Variants in LRP12 observed in about 807,000 individuals in gnomAD.
LRP12 encodes LDL receptor related protein 12.
Under a neutral mutation model 66.0 loss-of-function variants are expected in LRP12, and 14 were observed. That is an observed-to-expected ratio of 0.21 (90% confidence interval 0.14 to 0.33). The LOEUF (loss-of-function observed/expected upper bound fraction) is 0.33. LRP12 is among the 10% of genes least tolerant of loss of function. The pLI, the probability that LRP12 is intolerant of heterozygous loss-of-function variation, is 1.00. For synonymous variants in LRP12, 357 were observed against 359.1 expected (o/e 0.99, Z 0.07); for missense variants, 889 against 1,053.4 (o/e 0.84, Z 2.16).
intron 1 of LRP12, among the ~76,000 whole-genome samples, chr8:104,567,673 C>A (rs1263606684): frequency 6.6e-6 from 1 of 152,092 alleles, no homozygotes; most frequent in African/African-American, 2.4e-5. Context: ...TTCATATGCA[C>A]CAACAATGAT....
intron 3 of LRP12, chr8:104,504,569 G>C (rs1810876720): frequency 6.6e-6 from 1 of 151,942 alleles, no homozygotes; most frequent in African/African-American, 2.4e-5. Flanking sequence ...AGTTATTTAG[G>C]AATATATTTC....
chr8:104,564,701 C>T (rs34971735), intron 1 of LRP12, among the ~76,000 whole-genome samples: 11,203 of 151,890 alleles, frequency 0.074, 462 homozygotes, highest in African/African-American at 0.083. Context: ...GAGGCCGAGG[C>T]GGGCAGATCA....
chr8:104,494,690 C>T (rs1403439606), intron 6 of LRP12, among the ~76,000 whole-genome samples: 1 of 152,082 alleles, frequency 6.6e-6, no homozygotes, highest in Non-Finnish European at 1.5e-5. Flanking sequence ...ATGTTAACTT[C>T]ATTTTAATTA....
Position 104,497,263 on chromosome 8 carries a change from G to T in LRP12, c.1289C>A (p.Ser430Tyr). The T allele has an allele frequency of 6.2e-7, 1 of 1,614,142 alleles. No individual in the cohort carries two copies. The highest frequency in any genetic ancestry group is 8.5e-7 in the Non-Finnish European group (1 of 1,180,036). The change falls in exon 5 of 7, where the codon TCT (serine) becomes TAT (tyrosine). Residue 430 changes from serine to tyrosine, a missense_variant. Transcript: ENST00000276654. This position sits in a 1 kb window ranked among gnomAD's most constrained non-coding sequence, Gnocchi z 4.3. ...CSRNGVCYPR[S>Y]DRCNYQNHCP... Reference sequence around the variant, plus strand: ...ATGATTCTGGTAGTTGCAGCGATCAGAACGAGGATAACAGACACCATTTCG... The same window carrying T: ...ATGATTCTGGTAGTTGCAGCGATCATAACGAGGATAACAGACACCATTTCG...
In LRP12 at chr8:104,546,596, C is replaced by A. The variant is rs12680652; in HGVS notation, c.80-14633G>T. Among the ~76,000 whole-genome samples the A allele has an allele frequency of 4.9e-3, 746 of 152,132 alleles. 8 individuals carry two copies. Among genetic ancestry groups the A allele is most frequent in the African/African-American group, 0.017 (707 of 41,522 alleles). ...CATACAATTAACTTAGACAATTCTA[C>A]AGCTAGTAAGTGGCAGAGACAGACT... On this transcript the variant is annotated intron_variant, in intron 1 of 6. Transcript: ENST00000276654.
intron 1 of LRP12, among the ~76,000 whole-genome samples, chr8:104,547,107 T>C (rs894776658): frequency 9.0e-5 from 13 of 144,626 alleles, no homozygotes; most frequent in African/African-American, 3.3e-4. Flanking sequence ...GTATATAATA[T>C]ATAATTCTGT....
At chr8:104,540,880 C>T (rs571968905) in intron 1 of LRP12, among the ~76,000 whole-genome samples, 2 of 152,126 alleles carry the variant, frequency 1.3e-5, no homozygotes, top group African/African-American at 2.4e-5. Flanking sequence ...ATTACAGGCA[C>T]GTGCCATCAC....
intron 1 of LRP12, among the ~76,000 whole-genome samples, chr8:104,547,625 AT>A (rs1811608839): frequency 7.9e-6 from 1 of 125,882 alleles, no homozygotes; most frequent in African/African-American, 3.1e-5. Flanking sequence ...ATATATTAAT[AT>A]ATAATAAATA....
At chr8:104,553,178 C>T (rs560559204) in intron 1 of LRP12, among the ~76,000 whole-genome samples, 1 of 152,182 alleles carries the variant, frequency 6.6e-6, no homozygotes, top group South Asian at 2.1e-4. Flanking sequence ...AGGAAACTTC[C>T]AGTTGAACTT....
chr8:104,511,176 T>C (rs1810990423), intron 2 of LRP12, among the ~76,000 whole-genome samples: 1 of 151,080 alleles, frequency 6.6e-6, no homozygotes, highest in Non-Finnish European at 1.5e-5. Flanking sequence ...CCCGAGTAAG[T>C]AGGACTACAG....
At chr8:104,498,852 A>G (rs1810779430) in intron 4 of LRP12, among the ~76,000 whole-genome samples, 1 of 152,228 alleles carries the variant, frequency 6.6e-6, no homozygotes, top group African/African-American at 2.4e-5. Context: ...ATTCTGAATT[A>G]TTCACATTTG....
At chr8:104,493,148 TATG>T (rs141569791) in intron 6 of LRP12, among the ~76,000 whole-genome samples, 1,972 of 152,290 alleles carry the variant, frequency 0.013, 47 homozygotes, top group African/African-American at 0.044. Flanking sequence ...CATTATATTT[TATG>T]AGGGGATCTC....
chr8:104,559,856 G>GA (rs1343668199), intron 1 of LRP12, among the ~76,000 whole-genome samples: 3 of 151,170 alleles, frequency 2.0e-5, no homozygotes, highest in Admixed American at 6.6e-5. Context: ...TTCCCCAAAT[G>GA]AAAAAAAAGA....
At chr8:104,528,253 G>A (rs1233750240) in intron 2 of LRP12, among the ~76,000 whole-genome samples, 1 of 152,100 alleles carries the variant, frequency 6.6e-6, no homozygotes, top group Non-Finnish European at 1.5e-5. Flanking sequence ...AAAAGAGCAG[G>A]GGAAGAGCAG....
intron 1 of LRP12, among the ~76,000 whole-genome samples, chr8:104,571,484 G>T (rs972429166): frequency 2.6e-5 from 4 of 152,204 alleles, no homozygotes; most frequent in Admixed American, 2.6e-4. Flanking sequence ...GTAATTGTGA[G>T]TGAGTTCTCA....
chr8:104,548,997 G>A (rs953900554), intron 1 of LRP12, among the ~76,000 whole-genome samples: 2 of 151,706 alleles, frequency 1.3e-5, no homozygotes, highest in Non-Finnish European at 2.9e-5. Flanking sequence ...TTTACAATGA[G>A]TGTCAAGGAC....
At chr8:104,518,288 T>C (rs1273991835) in intron 2 of LRP12, among the ~76,000 whole-genome samples, 1 of 152,072 alleles carries the variant, frequency 6.6e-6, no homozygotes, top group Non-Finnish European at 1.5e-5. Flanking sequence ...TACTTATTAT[T>C]ATTATCCCTA....
At chr8:104,555,368 T>C (rs1022928277) in intron 1 of LRP12, among the ~76,000 whole-genome samples, 1 of 152,016 alleles carries the variant, frequency 6.6e-6, no homozygotes, top group African/African-American at 2.4e-5. Context: ...TTAGAAGACA[T>C]AAAATGCCAG....
intron 1 of LRP12, among the ~76,000 whole-genome samples, chr8:104,580,937 AC>A (rs1288458170): frequency 2.0e-5 from 3 of 152,196 alleles, no homozygotes; most frequent in Non-Finnish European, 2.9e-5. Context: ...CTGGGAATAC[AC>A]CCAAAGGAAT....
Sources: gnomAD v4.1 joint callset for allele counts (sites outside exome capture counted in the v4.1 genomes callset) on GRCh38, gnomAD v4.1.1 for gene constraint, Gnocchi (gnomAD v3.1) non-coding constraint, MANE v1.5 for transcripts, NCBI Gene and HGNC (gene_info 2026-07-23, HGNC 2026-07-21) for gene names.